The following TENM2 variants were observed in gnomAD, a reference collection of about 807,000 sequenced individuals.
TENM2 encodes the protein teneurin-2.
A neutral mutation model predicts 245.2 loss-of-function variants in TENM2; 52 were observed. The ratio of observed to expected loss-of-function variants is 0.21; its 90% CI spans 0.17 to 0.27. The LOEUF (loss-of-function observed/expected upper bound fraction) is 0.27, where lower values mean the gene tolerates loss of function less well. TENM2 is among the 10% of genes least tolerant of loss of function. The pLI is 1.00. For missense variants in TENM2, 3,046 were observed against 3,666.8 expected (o/e 0.83, Z 4.37); for synonymous variants, 1,363 against 1,438.9 (o/e 0.95, Z 1.19).
the TENM2 span, among the ~76,000 whole-genome samples, chr5:167,124,683 C>A: frequency 6.6e-6 from 1 of 152,122 alleles, no homozygotes; most frequent in Non-Finnish European, 1.5e-5. Context: ...ATCTGCTTAT[C>A]CCTGAGAGCT....
At chr5:166,983,394 C>G in the TENM2 span, among the ~76,000 whole-genome samples, 1 of 152,040 alleles carries the variant, frequency 6.6e-6, no homozygotes, top group Non-Finnish European at 1.5e-5. Context: ...ACTGGCCCAC[C>G]TCTCCTAAGT....
chr5:167,466,996 A>T (rs1223246900), intron 2 of TENM2, among the ~76,000 whole-genome samples: 1 of 152,144 alleles, frequency 6.6e-6, no homozygotes, highest in Non-Finnish European at 1.5e-5. Context: ...TGCCCAGCCA[A>T]ATTGGAGGAA....
intron 2 of TENM2, among the ~76,000 whole-genome samples, chr5:167,463,772 A>G (rs970513763): frequency 6.6e-6 from 1 of 152,208 alleles, no homozygotes. Context: ...TTGGGATTAC[A>G]GGCATGAGCC....
chr5:167,834,661 T>TTTC (rs1554127838), intron 2 of TENM2, among the ~76,000 whole-genome samples: 1 of 124,800 alleles, frequency 8.0e-6, no homozygotes, highest in Non-Finnish European at 1.8e-5. Flanking sequence ...TTTTTTTTTT[T>TTTC]CTTTTTGAGA....
At chr5:167,019,099 T>C in the TENM2 span, among the ~76,000 whole-genome samples, 1 of 152,058 alleles carries the variant, frequency 6.6e-6, no homozygotes, top group East Asian at 1.9e-4. Flanking sequence ...TTTACTTTGA[T>C]TTATCTTGCC....
intron 8 of TENM2, among the ~76,000 whole-genome samples, chr5:168,094,761 T>G (rs1243589738): frequency 6.6e-6 from 1 of 151,654 alleles, no homozygotes; most frequent in Non-Finnish European, 1.5e-5. Flanking sequence ...CACAATGAGG[T>G]CTGTGGCCCA....
At chr5:167,444,362 T>G (rs1404489832) in intron 2 of TENM2, among the ~76,000 whole-genome samples, 2 of 151,970 alleles carry the variant, frequency 1.3e-5, no homozygotes, top group Non-Finnish European at 1.5e-5. Context: ...TTGGTGACTT[T>G]CACATGTAAC....
intron 2 of TENM2, among the ~76,000 whole-genome samples, chr5:167,872,550 G>GAAAGA (rs1484249968): frequency 2.4e-5 from 1 of 42,156 alleles, no homozygotes; most frequent in Non-Finnish European, 6.5e-5. Context: ...GAAAGAAAGA[G>GAAAGA]AAAGAAAGAA....
At chr5:167,340,812 A>G (rs1433427444) in intron 1 of TENM2, among the ~76,000 whole-genome samples, 1 of 152,262 alleles carries the variant, frequency 6.6e-6, no homozygotes, top group Non-Finnish European at 1.5e-5. Flanking sequence ...ACAAAATATT[A>G]AACTGTGCTC....
chr5:168,135,529 A>G (rs1205335686), intron 12 of TENM2, among the ~76,000 whole-genome samples: 2 of 152,194 alleles, frequency 1.3e-5, no homozygotes, highest in African/African-American at 2.4e-5. Flanking sequence ...ATGCATTGTT[A>G]TAATCAGACC....
chr5:167,960,076 A>G (rs1177230848), intron 4 of TENM2, among the ~76,000 whole-genome samples: 4 of 152,236 alleles, frequency 2.6e-5, no homozygotes, highest in Admixed American at 1.3e-4. Context: ...AGCTTCGCCC[A>G]GAGGGCTACC....
At chr5:168,189,103 C>G (rs1182200250) in intron 13 of TENM2, among the ~76,000 whole-genome samples, 2 of 152,188 alleles carry the variant, frequency 1.3e-5, no homozygotes, top group Non-Finnish European at 2.9e-5. Context: ...TACTGAAGTG[C>G]TCTCTGGGGT....
At chr5:167,120,336 C>T in the TENM2 span, among the ~76,000 whole-genome samples, 8 of 152,114 alleles carry the variant, frequency 5.3e-5, no homozygotes, top group African/African-American at 1.9e-4. Context: ...AAAGGCCAAA[C>T]TAGCAAAGCT....
rs142771974 is a variant in TENM2 at position 167,466,063 on chromosome 5, C to G, written c.502+90590C>G. 2.7e-3 allele frequency among the ~76,000 whole-genome samples: 414 copies of G among 152,252 alleles called. 2 individuals are homozygous for G. The highest frequency in any genetic ancestry group is 9.5e-3 in the African/African-American group (393 of 41,544). ...CAGGTTTAGACTTCCCCCTCTCCCC[C>G]CTCAGTCTGGCTTTATCATCTACTC... On this transcript the variant is annotated intron_variant, in intron 2 of 28. Coordinates refer to ENST00000518659, the Ensembl canonical transcript of TENM2.
At position 167,320,807 on chromosome 5, in the gene TENM2, C is replaced by T. The variant is rs143875913; in HGVS notation, c.226+35744C>T. 3.3e-4 allele frequency among the ~76,000 whole-genome samples: 51 copies of T among 152,266 alleles called. 1 individual carries two copies. Among genetic ancestry groups the T allele is most frequent in the African/African-American group, 1.2e-3 (50 of 41,542 alleles). On this transcript the variant is annotated intron_variant, in intron 1 of 28. Transcript: ENST00000518659. ...ATAAATTTCTGCTCATTATAAATTACCCAGTCTCAGCTATTCTGTTATAGT... is the reference window on the plus strand; with the variant it reads ...ATAAATTTCTGCTCATTATAAATTATCCAGTCTCAGCTATTCTGTTATAGT...
At chr5:168,089,204 C>T (rs140850342) in intron 7 of TENM2, among the ~76,000 whole-genome samples, 216 of 152,328 alleles carry the variant, frequency 1.4e-3, no homozygotes, top group Non-Finnish European at 2.6e-3. Context: ...GTCACCTCTT[C>T]CTTAGAAATG....
At chr5:167,080,138 A>G in the TENM2 span, among the ~76,000 whole-genome samples, 8 of 152,246 alleles carry the variant, frequency 5.3e-5, no homozygotes, top group African/African-American at 1.7e-4. Flanking sequence ...AATAATTTTT[A>G]TAAGTTGAAT....
At chr5:168,034,134 T>TACATATATATGTGTATATATAG (rs1787428850) in intron 5 of TENM2, among the ~76,000 whole-genome samples, 1 of 140,114 alleles carries the variant, frequency 7.1e-6, no homozygotes, top group African/African-American at 2.7e-5. Flanking sequence ...TATATATATA[T>TACATATATATGTGTATATATAG]GTATACATAT....
chr5:167,010,928 C>T, the TENM2 span, among the ~76,000 whole-genome samples: 1 of 152,106 alleles, frequency 6.6e-6, no homozygotes, highest in Admixed American at 6.5e-5. Context: ...AAATATTACA[C>T]CGTTTATAGC....
Sources: gnomAD v4.1 joint callset for allele counts (sites outside exome capture counted in the v4.1 genomes callset) on GRCh38, gnomAD v4.1.1 for gene constraint, MANE v1.5 for transcripts, NCBI Gene and HGNC (gene_info 2026-07-23, HGNC 2026-07-21) for gene names.